BLOC1S5: variants seen among roughly 807,000 people sequenced by gnomAD.
BLOC1S5 encodes the protein biogenesis of lysosomal organelles complex 1 subunit 5, also known as biogenesis of lysosome-related organelles complex 1 subunit 5.
In BLOC1S5, 27 loss-of-function variants were observed where a neutral mutation model predicts 24.3. That is an observed-to-expected ratio of 1.11 (90% CI 0.82 to 1.53). The LOEUF (loss-of-function observed/expected upper bound fraction) is 1.53, where lower values mean the gene tolerates loss of function less well. Ranked by LOEUF, BLOC1S5 falls within the 40% of genes most tolerant of loss-of-function variation. The pLI is 0.00. For synonymous variants in BLOC1S5, 84 were observed against 74.5 expected, an observed-to-expected ratio of 1.13 and a Z score of -0.66; for missense variants, 239 against 229.4, an observed-to-expected ratio of 1.04 and a Z score of -0.27.
At chr6:8,051,969 C>CT (rs770301308) in intron 2 of BLOC1S5, among the ~76,000 whole-genome samples, 26,184 of 110,086 alleles carry the variant, frequency 0.24, 5,092 homozygotes, top group East Asian at 0.71. Flanking sequence ...ACATCCATGC[C>CT]TTTTTTTTTT....
In BLOC1S5 at chr6:8,062,599, A is replaced by G. The variant is rs759779488; in HGVS notation, c.130T>C (p.Ser44Pro). ...ACTGGTCTGTGATCCAAAAGCCTTG[A>G]ATGAATTTCTCCAAGATCTATAAAG... ...LIIKDLGEIH[S>P]RLLDHRPVIQ... Residue 44 changes from serine to proline, a missense_variant, in exon 2 of 5, where the codon TCA (serine) becomes CCA (proline). Coordinates refer to ENST00000397457, the MANE Select transcript of BLOC1S5 (RefSeq NM_201280.3). 1 of 1,600,910 alleles carries G rather than the reference A, an allele frequency of 6.2e-7. No individual in the cohort carries two copies. The highest frequency in any genetic ancestry group is 1.1e-5 in the South Asian group (1 of 89,378).
chr6:8,047,565 T>C (rs1461653897), intron 2 of BLOC1S5, among the ~76,000 whole-genome samples: 1 of 152,220 alleles, frequency 6.6e-6, no homozygotes, highest in Non-Finnish European at 1.5e-5. Flanking sequence ...AATTGATTAA[T>C]ATGTTTCTTA....
intron 4 of BLOC1S5, among the ~76,000 whole-genome samples, chr6:8,019,269 C>CT (rs3030896): frequency 0.2 from 27,537 of 138,598 alleles, 3,108 homozygotes; most frequent in African/African-American, 0.28. Flanking sequence ...GGCATTCTTA[C>CT]TTTTTTTTTT....
chr6:8,026,468 T>TA (rs1378932817), intron 3 of BLOC1S5, 43 bp from the exon 4 acceptor site: 2 of 1,499,528 alleles, frequency 1.3e-6, no homozygotes, highest in Admixed American at 3.4e-5. Flanking sequence ...CAGACCATGT[T>TA]CAAGGAAACA....
intron 3 of BLOC1S5, among the ~76,000 whole-genome samples, chr6:8,026,730 C>T (rs1273496989): frequency 6.6e-6 from 1 of 152,152 alleles, no homozygotes; most frequent in Non-Finnish European, 1.5e-5. Context: ...TACCTGGTAA[C>T]CACATCACTT....
intron 2 of BLOC1S5, among the ~76,000 whole-genome samples, chr6:8,052,763 C>T (rs1181407347): frequency 6.6e-6 from 1 of 151,914 alleles, no homozygotes; most frequent in Non-Finnish European, 1.5e-5. Flanking sequence ...GGCACAGTGG[C>T]GGGTGCCTGT....
chr6:8,049,020 A>G (rs1055705735), intron 2 of BLOC1S5, among the ~76,000 whole-genome samples: 33 of 142,998 alleles, frequency 2.3e-4, no homozygotes, highest in Non-Finnish European at 3.8e-4. Context: ...AAAAGAAAGA[A>G]AAGAAAGGAA....
intron 2 of BLOC1S5, among the ~76,000 whole-genome samples, chr6:8,058,399 C>A (rs571848911): frequency 1.4e-5 from 2 of 140,444 alleles, no homozygotes; most frequent in Non-Finnish European, 3.0e-5. Flanking sequence ...AAATAGCCGG[C>A]CATGGCATTG....
intron 2 of BLOC1S5, among the ~76,000 whole-genome samples, chr6:8,050,558 C>G (rs1278271661): frequency 6.6e-6 from 1 of 151,746 alleles, no homozygotes; most frequent in African/African-American, 2.4e-5. Context: ...AACGCGAGGC[C>G]TTTTGCACCA....
chr6:8,061,211 C>T (rs7742918), intron 2 of BLOC1S5, among the ~76,000 whole-genome samples: 2,481 of 152,142 alleles, frequency 0.016, 64 homozygotes, highest in African/African-American at 0.055. Flanking sequence ...GTGTCTCCCA[C>T]ATTATTCTTA....
chr6:8,056,501 C>A (rs907442763), intron 2 of BLOC1S5, among the ~76,000 whole-genome samples: 1 of 152,186 alleles, frequency 6.6e-6, no homozygotes, highest in Non-Finnish European at 1.5e-5. Context: ...ACTATGCCCC[C>A]GCCACTGCCA....
chr6:8,056,958 T>C (rs1764331132), intron 2 of BLOC1S5, among the ~76,000 whole-genome samples: 1 of 152,222 alleles, frequency 6.6e-6, no homozygotes, highest in Non-Finnish European at 1.5e-5. Context: ...GGCTCACGCC[T>C]GTAATCCCAG....
intron 2 of BLOC1S5, among the ~76,000 whole-genome samples, chr6:8,043,289 G>A (rs1342581227): frequency 6.6e-6 from 1 of 152,144 alleles, no homozygotes; most frequent in Non-Finnish European, 1.5e-5. Flanking sequence ...GAGAAAACTA[G>A]CAACATGATA....
intron 3 of BLOC1S5, among the ~76,000 whole-genome samples, chr6:8,034,721 A>C (rs961401804): frequency 6.6e-6 from 1 of 152,200 alleles, no homozygotes; most frequent in African/African-American, 2.4e-5. Context: ...CCACTGTGGA[A>C]GACAGTGTGG....
chr6:8,021,386 G>A (rs958270933), intron 4 of BLOC1S5, among the ~76,000 whole-genome samples: 1 of 152,168 alleles, frequency 6.6e-6, no homozygotes, highest in Admixed American at 6.5e-5. Context: ...ATCACCTGAG[G>A]TCAGGAGTTC....
At chr6:8,054,550 G>A (rs1186725904) in intron 2 of BLOC1S5, among the ~76,000 whole-genome samples, 4 of 152,196 alleles carry the variant, frequency 2.6e-5, no homozygotes, top group African/African-American at 9.7e-5. Flanking sequence ...GTACCTGGGG[G>A]TCAATTTGGC....
chr6:8,027,943 T>C (rs763829254), intron 3 of BLOC1S5, among the ~76,000 whole-genome samples: 4 of 152,238 alleles, frequency 2.6e-5, no homozygotes, highest in Non-Finnish European at 5.9e-5. Flanking sequence ...TTAAACTGTT[T>C]TGTTTCAAAA....
At chr6:8,047,142 C>CCTCT (rs761994219) in intron 2 of BLOC1S5, among the ~76,000 whole-genome samples, 1,176 of 102,252 alleles carry the variant, frequency 0.012, 24 homozygotes, top group African/African-American at 0.038. Flanking sequence ...AATAAGACCA[C>CCTCT]CTCTCTCTCT....
chr6:8,036,635 ACCTGAAGAGGAGAGAATAT>A (rs1195503338), intron 3 of BLOC1S5, among the ~76,000 whole-genome samples: 1 of 152,170 alleles, frequency 6.6e-6, no homozygotes, highest in Non-Finnish European at 1.5e-5. Flanking sequence ...TCTTCAAAAA[ACCTGAAGAGGAGAGAATAT>A]CCCCAACTCA....
Sources: allele counts gnomAD v4.1 joint callset (sites outside exome capture counted in the v4.1 genomes callset), GRCh38; gene constraint gnomAD v4.1.1; transcripts MANE v1.5; gene names NCBI Gene and HGNC (gene_info 2026-07-23, HGNC 2026-07-21).